RHBDD1: variants seen among roughly 807,000 people sequenced by gnomAD.
The protein encoded by RHBDD1 is rhomboid-related protein 4.
A neutral mutation model predicts 36.3 loss-of-function variants in RHBDD1; 38 were observed. That is an observed-to-expected ratio of 1.05 (90% CI 0.81 to 1.37). RHBDD1 has a LOEUF of 1.37. RHBDD1 is among the 40% of genes most tolerant of loss of function. RHBDD1 has a pLI of 0.00. For missense variants in RHBDD1, 393 were observed against 377.6 expected, an observed-to-expected ratio of 1.04 and a Z score of -0.34; for synonymous variants, 151 against 136.5, an observed-to-expected ratio of 1.11 and a Z score of -0.74.
chr2:226,887,997 C>T (rs1946375643), intron 5 of RHBDD1, among the ~76,000 whole-genome samples: 1 of 152,214 alleles, frequency 6.6e-6, no homozygotes, highest in South Asian at 2.1e-4. Context: ...GAAGTCCTGT[C>T]TGGTTTATAC....
chr2:226,826,517 A>ATTTTTT, the RHBDD1 span, among the ~76,000 whole-genome samples: 4 of 122,062 alleles, frequency 3.3e-5, no homozygotes, highest in Non-Finnish European at 4.8e-5. Flanking sequence ...ATCATGATAG[A>ATTTTTT]TTTTTTTTTT....
At chr2:226,891,205 G>T (rs780607860) in intron 5 of RHBDD1, among the ~76,000 whole-genome samples, 3 of 152,142 alleles carry the variant, frequency 2.0e-5, no homozygotes, top group African/African-American at 4.8e-5. Context: ...TCATATGAAG[G>T]CTTGACTGGG....
the RHBDD1 span, among the ~76,000 whole-genome samples, chr2:226,828,848 C>G: frequency 3.3e-5 from 5 of 152,056 alleles, no homozygotes; most frequent in Admixed American, 1.3e-4. Context: ...CAATCTCTAT[C>G]ATGATTTTCA....
At chr2:226,902,757 G>A (rs563424167) in intron 5 of RHBDD1, among the ~76,000 whole-genome samples, 6 of 152,306 alleles carry the variant, frequency 3.9e-5, no homozygotes, top group Non-Finnish European at 7.4e-5. Flanking sequence ...AATGCTGAAT[G>A]TTGGAGGATG....
chr2:226,949,556 T>C (rs969641695), intron 8 of RHBDD1, among the ~76,000 whole-genome samples: 15 of 152,322 alleles, frequency 9.8e-5, no homozygotes, highest in African/African-American at 3.4e-4. Flanking sequence ...TACTTTATTG[T>C]TACATTGTTT....
chr2:226,895,271 C>G (rs555876654), intron 5 of RHBDD1, among the ~76,000 whole-genome samples: 5 of 152,172 alleles, frequency 3.3e-5, no homozygotes, highest in Non-Finnish European at 7.4e-5. Context: ...GACTGCTGGG[C>G]TAACACCTTT....
At chr2:226,830,283 G>A in the RHBDD1 span, among the ~76,000 whole-genome samples, 1 of 152,168 alleles carries the variant, frequency 6.6e-6, no homozygotes, top group Non-Finnish European at 1.5e-5. Context: ...TTTCCACCAT[G>A]TAAGGACACA....
intron 3 of RHBDD1, among the ~76,000 whole-genome samples, chr2:226,849,660 TC>T (rs1235560357): frequency 4.6e-5 from 7 of 152,144 alleles, no homozygotes; most frequent in African/African-American, 1.7e-4. Context: ...CGACAGAGAG[TC>T]AAGGCAGACT....
At chr2:226,814,819 G>T in the RHBDD1 span, among the ~76,000 whole-genome samples, 1 of 152,176 alleles carries the variant, frequency 6.6e-6, no homozygotes, top group African/African-American at 2.4e-5. Flanking sequence ...CACAGAAAAA[G>T]CATTAGCCAG....
intron 8 of RHBDD1, among the ~76,000 whole-genome samples, chr2:226,952,004 G>A (rs749794473): frequency 2.6e-4 from 39 of 152,256 alleles, no homozygotes; most frequent in Non-Finnish European, 5.4e-4. Context: ...ATCATTTGGG[G>A]AGCTTTGTAC....
chr2:226,959,435 T>A (rs1575255436), intron 8 of RHBDD1, among the ~76,000 whole-genome samples: 1 of 152,240 alleles, frequency 6.6e-6, no homozygotes, highest in South Asian at 2.1e-4. Context: ...CCTTATCCCC[T>A]ACCAGCCACT....
At chr2:226,919,206 A>G (rs1026701087) in intron 8 of RHBDD1, among the ~76,000 whole-genome samples, 7 of 152,024 alleles carry the variant, frequency 4.6e-5, no homozygotes, top group African/African-American at 1.7e-4. Context: ...TGAACTCCTT[A>G]TATATTCTTG....
At position 226,906,814 on chromosome 2, in the gene RHBDD1, G is replaced by C; in HGVS notation, c.588G>C (p.Leu196=). ...FSPGTSFAGH[L]AGILVGLMYT... ...CTAGGACTTCCTTCGCTGGGCATCTGGCTGGGATTCTTGTTGGACTAATGT... is the reference window on the plus strand; with the variant it reads ...CTAGGACTTCCTTCGCTGGGCATCTCGCTGGGATTCTTGTTGGACTAATGT... The change falls in exon 6 of 9, where the codon CTG becomes CTC. Residue 196 remains leucine, a synonymous_variant. Transcript: ENST00000392062. 1 of 1,614,096 alleles carries C rather than the reference G, an allele frequency of 6.2e-7. No individual in the cohort carries two copies. Among genetic ancestry groups the C allele is most frequent in the Middle Eastern group, 1.6e-4 (1 of 6,062 alleles).
chr2:226,988,550 C>G, intron 8 of RHBDD1: 1 of 1,422,858 alleles, frequency 7.0e-7, no homozygotes, highest in Non-Finnish European at 9.2e-7. Flanking sequence ...CTGGCCCTCT[C>G]TGCGGACTGG....
intron 5 of RHBDD1, among the ~76,000 whole-genome samples, chr2:226,900,719 C>T (rs1385645557): frequency 3.9e-5 from 6 of 152,034 alleles, no homozygotes; most frequent in Non-Finnish European, 7.4e-5. Context: ...TGTATTTTCC[C>T]CCCAGCTTTA....
intron 8 of RHBDD1, among the ~76,000 whole-genome samples, chr2:226,932,386 G>A (rs1370845403): frequency 1.3e-5 from 2 of 151,974 alleles, no homozygotes; most frequent in Non-Finnish European, 2.9e-5. Flanking sequence ...TTGTCTCCTC[G>A]ATTTAATGAA....
intron 8 of RHBDD1, among the ~76,000 whole-genome samples, chr2:226,964,990 G>A (rs186949297): frequency 1.3e-3 from 194 of 152,304 alleles, no homozygotes; most frequent in African/African-American, 4.4e-3. Flanking sequence ...GCTGTATTGA[G>A]AATAATTTGT....
upstream of RHBDD1, among the ~76,000 whole-genome samples, chr2:226,834,447 G>T (rs560074694): frequency 6.6e-6 from 1 of 152,190 alleles, no homozygotes; most frequent in African/African-American, 2.4e-5. Flanking sequence ...TAGGAAAGAG[G>T]TAACTTATGA....
intron 8 of RHBDD1, among the ~76,000 whole-genome samples, chr2:226,933,899 A>C (rs1014986971): frequency 6.6e-6 from 1 of 152,122 alleles, no homozygotes; most frequent in Non-Finnish European, 1.5e-5. Flanking sequence ...GGATTTTTCC[A>C]TCATGAAATA....
Sources: allele counts gnomAD v4.1 joint callset (sites outside exome capture counted in the v4.1 genomes callset), GRCh38; gene constraint gnomAD v4.1.1; transcripts MANE v1.5; gene names NCBI Gene and HGNC (gene_info 2026-07-23, HGNC 2026-07-21).